Variants in DGKB observed in about 807,000 individuals in gnomAD.
The protein encoded by DGKB is diacylglycerol kinase beta.
A neutral mutation model predicts 114.3 loss-of-function variants in DGKB; 67 were observed. The observed-to-expected ratio is 0.59, with a 90% CI of 0.48 to 0.72. The LOEUF is 0.72. Ranked by LOEUF, DGKB falls within the 30% of genes least tolerant of loss-of-function variation. The probability of loss-of-function intolerance (pLI) is 0.00; values close to 1 mark genes in which losing one functional copy is unlikely to be tolerated. For synonymous variants in DGKB, 398 were observed against 323.1 expected (o/e 1.23, Z -2.49); for missense variants, 907 against 975.2 (o/e 0.93, Z 0.93).
chr7:14,730,291 G>T (rs1051709267), intron 5 of DGKB, among the ~76,000 whole-genome samples: 1 of 152,132 alleles, frequency 6.6e-6, no homozygotes, highest in Non-Finnish European at 1.5e-5. Flanking sequence ...CATGGGTGGC[G>T]ATGGAGAAGG....
At chr7:14,477,092 T>C (rs1226191914) in intron 21 of DGKB, among the ~76,000 whole-genome samples, 1 of 152,168 alleles carries the variant, frequency 6.6e-6, no homozygotes, top group African/African-American at 2.4e-5. Flanking sequence ...AAAAATTAGA[T>C]ACAAACTCAT....
At chr7:14,515,011 C>G (rs778199628) in intron 20 of DGKB, among the ~76,000 whole-genome samples, 2 of 151,930 alleles carry the variant, frequency 1.3e-5, no homozygotes, top group African/African-American at 2.4e-5. Context: ...AGAGTGAGAA[C>G]CTGTCTCAAA....
intron 1 of DGKB, among the ~76,000 whole-genome samples, chr7:14,900,329 G>C (rs1199433474): frequency 1.3e-5 from 2 of 152,122 alleles, no homozygotes; most frequent in Non-Finnish European, 2.9e-5. Context: ...ATTTTTCCTG[G>C]AGTTTGCTCT....
chr7:14,265,957 C>G (rs1210420685), intron 23 of DGKB, among the ~76,000 whole-genome samples: 1 of 152,100 alleles, frequency 6.6e-6, no homozygotes. Context: ...ATAGTAAGAA[C>G]AGTGGCGAAA....
chr7:14,589,790 T>C (rs1801380698), intron 17 of DGKB, among the ~76,000 whole-genome samples: 1 of 152,116 alleles, frequency 6.6e-6, no homozygotes, highest in African/African-American at 2.4e-5. Flanking sequence ...TTGAGTTTCT[T>C]TGCTAATATT....
At chr7:14,476,742 A>G (rs1782227606) in intron 21 of DGKB, among the ~76,000 whole-genome samples, 1 of 149,256 alleles carries the variant, frequency 6.7e-6, no homozygotes, top group African/African-American at 2.5e-5. Context: ...TTATGTTTTT[A>G]GTTACTAAAA....
Position 14,241,431 on chromosome 7 carries a change from T to C in DGKB, c.2123-63280A>G, listed in dbSNP as rs574645519. On this transcript the variant is annotated intron_variant, in intron 23 of 25. Transcript: ENST00000402815. ...ACTATAATTAAATATATAAATGTTA[T>C]GTTCCTAAACCCAAGTTATACAGCT... Among the ~76,000 whole-genome samples, 397 of 151,094 alleles carry C rather than the reference T, an allele frequency of 2.6e-3. 1 individual carries two copies. Among genetic ancestry groups the C allele is most frequent in the African/African-American group, 9.0e-3 (375 of 41,526 alleles).
intron 23 of DGKB, among the ~76,000 whole-genome samples, chr7:14,323,261 A>G (rs1232943855): frequency 2.0e-5 from 3 of 152,176 alleles, no homozygotes; most frequent in East Asian, 3.9e-4. Flanking sequence ...ATGGTGAAAA[A>G]GGTCAGCATA....
intron 5 of DGKB, among the ~76,000 whole-genome samples, chr7:14,721,925 C>T (rs1208808389): frequency 6.6e-6 from 1 of 152,084 alleles, no homozygotes; most frequent in Admixed American, 6.6e-5. Flanking sequence ...TTGAACACTG[C>T]TTTATATCTT....
chr7:14,543,510 G>T (rs1793814745), intron 20 of DGKB, among the ~76,000 whole-genome samples: 1 of 152,078 alleles, frequency 6.6e-6, no homozygotes, highest in Non-Finnish European at 1.5e-5. Flanking sequence ...AGTTCTATCT[G>T]AAAGAATGAA....
At chr7:14,807,565 T>A (rs1223967470) in intron 2 of DGKB, among the ~76,000 whole-genome samples, 1 of 151,984 alleles carries the variant, frequency 6.6e-6, no homozygotes, top group African/African-American at 2.4e-5. Context: ...TGGTGTCAAA[T>A]CATATTGATT....
chr7:14,657,586 G>A (rs1396047645), intron 13 of DGKB, among the ~76,000 whole-genome samples: 1 of 151,820 alleles, frequency 6.6e-6, no homozygotes, highest in Non-Finnish European at 1.5e-5. Flanking sequence ...CAGTAACTTT[G>A]CTTAAAGGTT....
chr7:14,684,824 G>A (rs1414115557), intron 10 of DGKB, among the ~76,000 whole-genome samples: 1 of 151,842 alleles, frequency 6.6e-6, no homozygotes, highest in Non-Finnish European at 1.5e-5. Context: ...ATCAATTAAT[G>A]TAACTTAAAC....
intron 23 of DGKB, among the ~76,000 whole-genome samples, chr7:14,266,262 A>G (rs935163979): frequency 6.6e-6 from 1 of 152,228 alleles, no homozygotes; most frequent in East Asian, 1.9e-4. Flanking sequence ...TTGCTATTAC[A>G]GCCAAACTAT....
intron 21 of DGKB, among the ~76,000 whole-genome samples, chr7:14,433,824 C>T (rs985246695): frequency 1.6e-4 from 24 of 152,088 alleles, no homozygotes; most frequent in African/African-American, 5.6e-4. Context: ...AATGAGATAT[C>T]TTGGGGATGG....
chr7:14,551,017 A>G (rs867871896), intron 20 of DGKB, among the ~76,000 whole-genome samples: 1 of 152,146 alleles, frequency 6.6e-6, no homozygotes, highest in Non-Finnish European at 1.5e-5. Flanking sequence ...CAGTAAAGAT[A>G]TAGGAGAATG....
chr7:14,928,980 A>C (rs1784874031), intron 1 of DGKB, among the ~76,000 whole-genome samples: 1 of 151,760 alleles, frequency 6.6e-6, no homozygotes, highest in Admixed American at 6.6e-5. Flanking sequence ...CAAAAGACAT[A>C]ATTCCATTCT....
chr7:14,244,055 G>A (rs1794064567), intron 23 of DGKB, among the ~76,000 whole-genome samples: 1 of 86,658 alleles, frequency 1.2e-5, no homozygotes, highest in South Asian at 5.0e-4. Flanking sequence ...GAGAGAGAGG[G>A]AGAGAGAGAG....
intron 25 of DGKB, among the ~76,000 whole-genome samples, chr7:14,150,540 C>T (rs1156409246): frequency 1.3e-5 from 2 of 152,036 alleles, no homozygotes; most frequent in Non-Finnish European, 2.9e-5. Flanking sequence ...CTGCTGGAAT[C>T]AGGTTATTCT....
Sources: allele counts gnomAD v4.1 joint callset (sites outside exome capture counted in the v4.1 genomes callset), GRCh38; gene constraint gnomAD v4.1.1; transcripts MANE v1.5; gene names NCBI Gene and HGNC (gene_info 2026-07-23, HGNC 2026-07-21).